Variants in ORC3 observed in about 807,000 individuals in gnomAD.
ORC3 encodes origin recognition complex subunit 3, also known as homolog of latheo, Drosophila.
In ORC3, 78 loss-of-function variants were observed where a neutral mutation model predicts 100.7. That is an observed-to-expected ratio of 0.77 (90% CI 0.65 to 0.94). The LOEUF is 0.94. ORC3 is among the 40% of genes least tolerant of loss of function. The pLI, the probability that ORC3 is intolerant of heterozygous loss-of-function variation, is 0.00. For synonymous variants in ORC3, 295 were observed against 289.3 expected, an observed-to-expected ratio of 1.02 and a Z score of -0.20; for missense variants, 789 against 823.9, an observed-to-expected ratio of 0.96 and a Z score of 0.52.
At chr6:87,673,666 C>A in the ORC3 span, among the ~76,000 whole-genome samples, 6 of 152,034 alleles carry the variant, frequency 3.9e-5, no homozygotes, top group African/African-American at 1.2e-4. Flanking sequence ...CATGGTGAAA[C>A]CCCGTCTCTA....
At chr6:87,622,133 G>A (rs1583063485) in intron 11 of ORC3, 120 bp downstream of exon 11, 1 of 633,842 alleles carries the variant, frequency 1.6e-6, no homozygotes, top group South Asian at 2.2e-5. Context: ...ATACAGTGAA[G>A]TACTGGGTCT....
chr6:87,599,444 T>C (rs1327727959), intron 2 of ORC3, among the ~76,000 whole-genome samples: 1 of 151,940 alleles, frequency 6.6e-6, no homozygotes, highest in African/African-American at 2.4e-5. Context: ...TTCAGCTCAC[T>C]GCAACCTCTG....
chr6:87,657,810 CT>C, intron 15 of ORC3, 110 bp from the exon 16 acceptor site: 1 of 578,754 alleles, frequency 1.7e-6, no homozygotes, highest in Non-Finnish European at 3.2e-6. Flanking sequence ...TCTGTACATC[CT>C]GTCTTATGGA....
chr6:87,634,237 T>A (rs1554247967), intron 11 of ORC3, among the ~76,000 whole-genome samples: 1 of 151,684 alleles, frequency 6.6e-6, no homozygotes, highest in Non-Finnish European at 1.5e-5. Context: ...ATTTATTTAT[T>A]CTTTTTTTTT....
intron 7 of ORC3, among the ~76,000 whole-genome samples, chr6:87,611,259 C>G (rs999963796): frequency 6.6e-6 from 1 of 152,010 alleles, no homozygotes; most frequent in South Asian, 2.1e-4. Flanking sequence ...CTTGCATGAA[C>G]CATTGCACCC....
rs763237561 is a variant in ORC3, at chr6:87,656,920, G to T, written c.1531G>T (p.Glu511Ter). The T allele has an allele frequency of 6.2e-7, 1 of 1,612,476 alleles. No individual in the cohort carries two copies. The highest frequency in any genetic ancestry group is 8.5e-7 in the Non-Finnish European group (1 of 1,178,872). Residue 511 changes from glutamate to a stop codon, truncating the protein, a stop_gained, in exon 15 of 20, where the codon GAA (glutamate) becomes TAA (stop). Transcript: ENST00000392844. LOFTEE classifies it high-confidence loss of function. ...ATTAAAAGCAGAAACCAAAGAGGAA[G>T]AAGATGCTTCTGGGTCACAGCCAAA... ...FQSLDETKEE[E>*]DASGSQPKGL...
At chr6:87,652,521 A>T (rs1423344422) in intron 13 of ORC3, among the ~76,000 whole-genome samples, 1 of 152,206 alleles carries the variant, frequency 6.6e-6, no homozygotes, top group Non-Finnish European at 1.5e-5. Flanking sequence ...TTACTGACTG[A>T]TGTTTATAAA....
chr6:87,633,190 C>A (rs907807929), intron 11 of ORC3, among the ~76,000 whole-genome samples: 2 of 152,162 alleles, frequency 1.3e-5, no homozygotes, highest in African/African-American at 4.8e-5. Flanking sequence ...TGTGATTACT[C>A]AGTAATAGAG....
chr6:87,657,110 T>G (rs1769774844), intron 15 of ORC3, 128 bp downstream of exon 15: 5 of 651,188 alleles, frequency 7.7e-6, no homozygotes, highest in African/African-American at 5.4e-5. Context: ...CAAAGCAGAC[T>G]TTTAACTCAC....
At chr6:87,651,453 C>CT (rs1312228916) in intron 13 of ORC3, 1 of 335,344 alleles carries the variant, frequency 3.0e-6, no homozygotes, top group Admixed American at 3.7e-5. Flanking sequence ...TCTCATAACT[C>CT]TATCTGGGCA....
At chr6:87,614,123 T>G (rs997114854) in intron 8 of ORC3, among the ~76,000 whole-genome samples, 5 of 152,180 alleles carry the variant, frequency 3.3e-5, no homozygotes, top group African/African-American at 9.6e-5. Flanking sequence ...GGCTTTTCCA[T>G]ACATCTTCTG....
intron 10 of ORC3, 70 bp from the exon 11 acceptor site, chr6:87,621,880 C>A: frequency 9.4e-7 from 1 of 1,062,090 alleles, no homozygotes; most frequent in Non-Finnish European, 1.4e-6. Context: ...GTTCTTTTTC[C>A]CAATATGCTA....
intron 14 of ORC3, among the ~76,000 whole-genome samples, chr6:87,654,368 T>C (rs1266386784): frequency 6.6e-6 from 1 of 152,236 alleles, no homozygotes; most frequent in Non-Finnish European, 1.5e-5. Context: ...TAAGGGATTT[T>C]CTTTCAGGTT....
rs28381503 is a variant in ORC3 at position 87,620,860 on chromosome 6, C to T, written c.988-494C>T. On this transcript the variant is annotated intron_variant, in intron 9 of 19. Coordinates refer to ENST00000392844, the MANE Select transcript of ORC3 (RefSeq NM_012381.4). The stretch of plus-strand genomic sequence containing the variant: ...CTACCAGATAGTACACCATGTTTTC[C>T]TCCATGGGAAAAAAATTAATTTGTA... Among the ~76,000 whole-genome samples, 31 of 152,250 alleles carry T rather than the reference C, an allele frequency of 2.0e-4. No individual in the cohort carries two copies. In the East Asian group the frequency reaches 3.9e-3, roughly 19 times the overall value.
intron 9 of ORC3, among the ~76,000 whole-genome samples, chr6:87,616,710 T>A (rs1779179018): frequency 6.6e-6 from 1 of 152,132 alleles, no homozygotes; most frequent in South Asian, 2.1e-4. Flanking sequence ...TTTCCGAGAC[T>A]CTCATGAGAG....
chr6:87,591,795 G>A (rs1345859988), intron 1 of ORC3, among the ~76,000 whole-genome samples: 2 of 151,718 alleles, frequency 1.3e-5, no homozygotes, highest in Non-Finnish European at 1.5e-5. Flanking sequence ...GCAGTGGCGC[G>A]ATCTCGGCTC....
chr6:87,597,876 A>T (rs548090636), intron 2 of ORC3, among the ~76,000 whole-genome samples: 17 of 152,026 alleles, frequency 1.1e-4, no homozygotes, highest in Non-Finnish European at 1.8e-4. Flanking sequence ...AATGTTGCAG[A>T]TTGCTCAACT....
At chr6:87,627,297 CTTT>C (rs71554739) in intron 11 of ORC3, among the ~76,000 whole-genome samples, 3 of 113,418 alleles carry the variant, frequency 2.6e-5, no homozygotes, top group Non-Finnish European at 3.5e-5. Context: ...CCGCGCCCAG[CTTT>C]TTTTTTTTTT....
intron 1 of ORC3, among the ~76,000 whole-genome samples, chr6:87,593,065 C>T (rs1777158406): frequency 6.6e-6 from 1 of 152,250 alleles, no homozygotes; most frequent in East Asian, 1.9e-4. Flanking sequence ...TGCACTCCAG[C>T]CTGGACGACA....
Sources: gnomAD v4.1 joint callset for allele counts (sites outside exome capture counted in the v4.1 genomes callset) on GRCh38, gnomAD v4.1.1 for gene constraint, MANE v1.5 for transcripts, NCBI Gene and HGNC (gene_info 2026-07-23, HGNC 2026-07-21) for gene names.